Variants in SND1 observed in about 807,000 individuals in gnomAD.
SND1 encodes staphylococcal nuclease and tudor domain containing 1.
A neutral mutation model predicts 121.7 loss-of-function variants in SND1; 38 were observed. That is an observed-to-expected ratio of 0.31 (90% confidence interval 0.24 to 0.41). The LOEUF (loss-of-function observed/expected upper bound fraction) is 0.41, where lower values mean the gene tolerates loss of function less well. Ranked by LOEUF, SND1 falls within the 10% of genes least tolerant of loss-of-function variation. The probability of loss-of-function intolerance (pLI) is 1.00; values close to 1 mark genes in which losing one functional copy is unlikely to be tolerated. For synonymous variants in SND1, 401 were observed against 447.4 expected, an observed-to-expected ratio of 0.90 and a Z score of 1.31; for missense variants, 868 against 1,184.6, an observed-to-expected ratio of 0.73 and a Z score of 3.92.
At chr7:127,939,646 A>G (rs906209574) in intron 15 of SND1, among the ~76,000 whole-genome samples, 2 of 152,186 alleles carry the variant, frequency 1.3e-5, no homozygotes, top group African/African-American at 2.4e-5. Flanking sequence ...AGGGCCTCCT[A>G]TAACTAGCAA....
chr7:128,080,174 C>T (rs549144738), intron 17 of SND1, among the ~76,000 whole-genome samples: 72 of 152,348 alleles, frequency 4.7e-4, no homozygotes, highest in Non-Finnish European at 9.7e-4. Context: ...TTCCTGTGTG[C>T]GTCTGTGGGA....
chr7:127,654,722 C>T lies in SND1; in HGVS notation c.78+2271C>T, dbSNP rs556708929. On this transcript the variant is annotated intron_variant, in intron 1 of 23. Coordinates refer to ENST00000354725, the MANE Select transcript of SND1 (RefSeq NM_014390.4). ...AATTCAGTGATTTGAGCCATCTGTA[C>T]TGAGTATAGATTGCACTGCCTTCTC... Among the ~76,000 whole-genome samples the T allele has an allele frequency of 3.3e-5, 5 of 152,234 alleles. No individual in the cohort carries two copies. In the South Asian group the frequency reaches 8.3e-4, roughly 25 times the overall value.
chr7:127,966,912 G>A (rs1402902920), intron 15 of SND1, among the ~76,000 whole-genome samples: 1 of 151,798 alleles, frequency 6.6e-6, no homozygotes, highest in African/African-American at 2.4e-5. Flanking sequence ...AATGAATCCA[G>A]GAGCTGGTTT....
chr7:128,043,940 CA>C (rs1471847760), intron 16 of SND1, among the ~76,000 whole-genome samples: 7 of 151,574 alleles, frequency 4.6e-5, no homozygotes, highest in African/African-American at 1.7e-4. Flanking sequence ...ACAATGTAAC[CA>C]AACAAATATT....
At chr7:127,936,942 G>A (rs1475005479) in intron 15 of SND1, among the ~76,000 whole-genome samples, 1 of 152,170 alleles carries the variant, frequency 6.6e-6, no homozygotes. Flanking sequence ...TCCCTTATTA[G>A]ATCTTAGGTA....
chr7:127,777,424 G>T (rs1469815939), intron 10 of SND1, among the ~76,000 whole-genome samples: 1 of 152,230 alleles, frequency 6.6e-6, no homozygotes, highest in Non-Finnish European at 1.5e-5. Context: ...GTAGAGGAAA[G>T]AGATTCTTTC....
rs146252059 is a variant in SND1 at position 128,007,462 on chromosome 7, G to A, written c.1779+16406G>A. Among the ~76,000 whole-genome samples the A allele has an allele frequency of 1.5e-3, 234 of 152,308 alleles. 1 individual carries two copies. The highest frequency in any genetic ancestry group is 2.9e-3 in the Non-Finnish European group (194 of 68,022). On this transcript the variant is annotated intron_variant, in intron 16 of 23. Coordinates refer to ENST00000354725, the MANE Select transcript of SND1 (RefSeq NM_014390.4). ...TACAGACCAGGCCTGATATGGAGAC[G>A]AGGCAACTAGTGCAGCAGATGGCAA...
intron 10 of SND1, among the ~76,000 whole-genome samples, chr7:127,738,417 T>C (rs1271731766): frequency 6.6e-6 from 1 of 151,922 alleles, no homozygotes; most frequent in African/African-American, 2.4e-5. Context: ...TAACTGGTAT[T>C]ACAGGCACCT....
intron 12 of SND1, among the ~76,000 whole-genome samples, chr7:127,871,666 A>T (rs992676822): frequency 6.6e-6 from 1 of 152,176 alleles, no homozygotes; most frequent in Non-Finnish European, 1.5e-5. Flanking sequence ...CTGCTGCCAT[A>T]GCGCTCCAAA....
chr7:128,045,872 G>A (rs1792936881), intron 16 of SND1, among the ~76,000 whole-genome samples: 1 of 152,110 alleles, frequency 6.6e-6, no homozygotes, highest in African/African-American at 2.4e-5. Flanking sequence ...ATCGACAAAG[G>A]CAGGAGAAGC....
At chr7:127,768,964 G>C (rs1435690972) in intron 10 of SND1, among the ~76,000 whole-genome samples, 1 of 152,194 alleles carries the variant, frequency 6.6e-6, no homozygotes, top group Non-Finnish European at 1.5e-5. Context: ...CCACCTCCCT[G>C]ACTCCTCTCC....
At chr7:127,948,783 T>C (rs974968217) in intron 15 of SND1, among the ~76,000 whole-genome samples, 2 of 152,252 alleles carry the variant, frequency 1.3e-5, no homozygotes, top group Non-Finnish European at 2.9e-5. Flanking sequence ...CAGATATTTG[T>C]GCAAGATCTG....
intron 10 of SND1, among the ~76,000 whole-genome samples, chr7:127,759,647 G>T (rs756607744): frequency 1.3e-5 from 2 of 152,120 alleles, no homozygotes; most frequent in African/African-American, 2.4e-5. Flanking sequence ...GACCATCTCA[G>T]TTGATAAGCT....
At chr7:127,729,702 G>A (rs1333080571) in intron 10 of SND1, among the ~76,000 whole-genome samples, 1 of 152,136 alleles carries the variant, frequency 6.6e-6, no homozygotes, top group Non-Finnish European at 1.5e-5. Context: ...ATCCTGACAA[G>A]TATGTGTGTG....
At chr7:127,738,598 G>T (rs17718395) in intron 10 of SND1, among the ~76,000 whole-genome samples, 4 of 151,936 alleles carry the variant, frequency 2.6e-5, no homozygotes, top group African/African-American at 4.8e-5. Context: ...GTTTTTTTAA[G>T]GCTAACGTGT....
chr7:127,904,932 A>G (rs765721188), intron 14 of SND1, 113 bp downstream of exon 14: 6 of 680,888 alleles, frequency 8.8e-6, no homozygotes, highest in Non-Finnish European at 1.6e-5. Flanking sequence ...CTTTTCAGGC[A>G]CTGACTGTGA....
intron 15 of SND1, among the ~76,000 whole-genome samples, chr7:127,987,660 T>C (rs1271569072): frequency 6.6e-6 from 1 of 152,218 alleles, no homozygotes; most frequent in African/African-American, 2.4e-5. Context: ...GCCCCGTCCT[T>C]CCATCCTTCT....
intron 18 of SND1, chr7:128,081,919 G>T (rs184901939): frequency 1.9e-6 from 1 of 536,206 alleles, no homozygotes; most frequent in East Asian, 5.4e-5. Context: ...CTCTGGGGGA[G>T]CAAGGAGTGG....
chr7:128,092,306 T>G lies in SND1; in HGVS notation c.*248T>G. 2 of 487,132 alleles carry G rather than the reference T, an allele frequency of 4.1e-6. No homozygotes were observed. Among genetic ancestry groups the G allele is most frequent in the Non-Finnish European group, 7.3e-6 (2 of 275,268 alleles). 30.2% of individuals were successfully genotyped at this position (487,132 alleles called of 1,614,324 possible). On this transcript the variant is annotated 3_prime_UTR_variant, in exon 24 of 24. Transcript: ENST00000354725. The surrounding 1 kb of genome is among the most constrained non-coding windows in gnomAD (Gnocchi z 4.9). ...CACAGTCTCTGCCAGTTGGTTTTAT[T>G]TGGAGGTTTGTGGGCTTTTTTTAAA...
Sources: gnomAD v4.1 joint callset for allele counts (sites outside exome capture counted in the v4.1 genomes callset) on GRCh38, gnomAD v4.1.1 for gene constraint, Gnocchi (gnomAD v3.1) non-coding constraint, MANE v1.5 for transcripts, NCBI Gene and HGNC (gene_info 2026-07-23, HGNC 2026-07-21) for gene names.